The following SAMD12 variants were observed in gnomAD, a reference collection of about 807,000 sequenced individuals.
SAMD12 encodes sterile alpha motif domain containing 12, also known as sterile alpha motif domain-containing protein 12.
SAMD12 carries 9 observed loss-of-function variants against 15.0 expected under a neutral mutation model. The observed-to-expected ratio is 0.60, with a 90% CI of 0.36 to 1.05. The LOEUF (loss-of-function observed/expected upper bound fraction) is 1.05. Ranked by LOEUF, SAMD12 falls within the 50% of genes least tolerant of loss-of-function variation. The pLI is 0.01. For missense variants in SAMD12, 230 were observed against 234.2 expected (o/e 0.98, Z 0.12); for synonymous variants, 86 against 90.1 (o/e 0.96, Z 0.25).
At chr8:118,262,383 CA>C (rs1199953779) in intron 4 of SAMD12, among the ~76,000 whole-genome samples, 2 of 152,104 alleles carry the variant, frequency 1.3e-5, no homozygotes, top group Non-Finnish European at 2.9e-5. Context: ...ACACCATTTA[CA>C]TTTCTGTTAA....
chr8:118,356,654 G>A (rs911396041), intron 4 of SAMD12, among the ~76,000 whole-genome samples: 1 of 152,094 alleles, frequency 6.6e-6, no homozygotes, highest in Non-Finnish European at 1.5e-5. Context: ...ATGATTGCTC[G>A]GTTTCTATTT....
chr8:118,498,437 G>T (rs907929248), intron 2 of SAMD12, among the ~76,000 whole-genome samples: 1 of 152,248 alleles, frequency 6.6e-6, no homozygotes, highest in African/African-American at 2.4e-5. Context: ...TTACTACCTC[G>T]CAACACTGCT....
the SAMD12 span, among the ~76,000 whole-genome samples, chr8:118,155,951 A>C: frequency 6.6e-6 from 1 of 152,232 alleles, no homozygotes; most frequent in Non-Finnish European, 1.5e-5. Flanking sequence ...AAATCCAAGC[A>C]TTTCTATCCA....
intron 4 of SAMD12, among the ~76,000 whole-genome samples, chr8:118,286,574 T>G (rs1814033489): frequency 6.6e-6 from 1 of 152,194 alleles, no homozygotes; most frequent in South Asian, 2.1e-4. Flanking sequence ...GTTACCCCTG[T>G]GGCGATGTGT....
intron 3 of SAMD12, among the ~76,000 whole-genome samples, chr8:118,393,069 C>A (rs1199555572): frequency 6.6e-6 from 1 of 152,182 alleles, no homozygotes; most frequent in Non-Finnish European, 1.5e-5. Context: ...AAAAATCACC[C>A]ACTATATGTC....
the SAMD12 span, among the ~76,000 whole-genome samples, chr8:118,152,362 A>C: frequency 6.6e-6 from 1 of 152,104 alleles, no homozygotes; most frequent in Admixed American, 6.5e-5. Context: ...AATAGCCAGA[A>C]TTTTGTTTGG....
chr8:118,199,248 T>C (rs963140961), intron 4 of SAMD12, among the ~76,000 whole-genome samples: 5 of 152,200 alleles, frequency 3.3e-5, no homozygotes, highest in South Asian at 2.1e-4. Context: ...GCCCCATGAC[T>C]AACTAAAGCA....
chr8:118,563,025 CT>C (rs1441339447), intron 2 of SAMD12, among the ~76,000 whole-genome samples: 1 of 152,114 alleles, frequency 6.6e-6, no homozygotes. Flanking sequence ...CAAAAGGTTG[CT>C]TTTAACTGTG....
intron 2 of SAMD12, among the ~76,000 whole-genome samples, chr8:118,566,258 C>G (rs768947848): frequency 6.6e-6 from 1 of 152,212 alleles, no homozygotes; most frequent in Non-Finnish European, 1.5e-5. Context: ...CTGCGCCCAT[C>G]TTCCCGCACA....
intron 4 of SAMD12, among the ~76,000 whole-genome samples, chr8:118,236,245 C>A (rs539661950): frequency 2.6e-5 from 4 of 152,108 alleles, no homozygotes; most frequent in Non-Finnish European, 5.9e-5. Flanking sequence ...CATTTGCCAG[C>A]GAGACCTAGT....
intron 3 of SAMD12, among the ~76,000 whole-genome samples, chr8:118,416,445 A>G (rs1821694540): frequency 6.6e-6 from 1 of 152,054 alleles, no homozygotes; most frequent in African/African-American, 2.4e-5. Flanking sequence ...AACATGCCCT[A>G]GAGAGTCAGG....
chr8:118,265,085 A>T (rs1813167948), intron 4 of SAMD12, among the ~76,000 whole-genome samples: 1 of 152,188 alleles, frequency 6.6e-6, no homozygotes, highest in Admixed American at 6.6e-5. Context: ...AAGCTTGCTA[A>T]GTATTCCCAA....
At chr8:118,172,969 G>A in the SAMD12 span, among the ~76,000 whole-genome samples, 1 of 152,124 alleles carries the variant, frequency 6.6e-6, no homozygotes, top group Admixed American at 6.5e-5. Flanking sequence ...GATGGTATTT[G>A]TCCTCGTGCT....
Position 118,205,982 on chromosome 8 carries a change from A to G in SAMD12, c.434-8250T>C, listed in dbSNP as rs372619355. On this transcript the variant is annotated intron_variant, in intron 4 of 4. Coordinates refer to the SAMD12 transcript ENST00000409003. The stretch of plus-strand genomic sequence containing the variant: ...CTAAAAGTAAGGCCACTAGTCTACT[A>G]CACTGTGAGCCTGAAAAACCTCTCA... Among the ~76,000 whole-genome samples the G allele has an allele frequency of 6.8e-4, 103 of 152,348 alleles. 3 individuals are homozygous for G. The South Asian group carries it at 0.02, about 30-fold the overall frequency.
the SAMD12 span, among the ~76,000 whole-genome samples, chr8:118,183,276 T>C: frequency 6.6e-6 from 1 of 152,246 alleles, no homozygotes; most frequent in African/African-American, 2.4e-5. Flanking sequence ...TCTTCTATCA[T>C]ATCTTCTTCA....
chr8:118,608,175 A>G (rs781073348), intron 1 of SAMD12, among the ~76,000 whole-genome samples: 5 of 151,864 alleles, frequency 3.3e-5, no homozygotes, highest in Admixed American at 6.6e-5. Context: ...TTTAAGCCTT[A>G]TAACATTATT....
intron 4 of SAMD12, among the ~76,000 whole-genome samples, chr8:118,322,683 G>T (rs1181480936): frequency 6.6e-6 from 1 of 152,134 alleles, no homozygotes; most frequent in African/African-American, 2.4e-5. Context: ...CAGTACACAT[G>T]GTATCCATGG....
chr8:118,535,652 C>A (rs909603730), intron 2 of SAMD12, among the ~76,000 whole-genome samples: 18 of 152,172 alleles, frequency 1.2e-4, no homozygotes, highest in African/African-American at 4.3e-4. Context: ...CAATGGCGGG[C>A]GCCCCTCCCC....
chr8:118,219,105 G>C (rs987495068), intron 4 of SAMD12, among the ~76,000 whole-genome samples: 3 of 152,110 alleles, frequency 2.0e-5, no homozygotes, highest in African/African-American at 7.2e-5. Flanking sequence ...CTGTTCACAG[G>C]CCAGCTCACC....
Sources: gnomAD v4.1 joint callset for allele counts (sites outside exome capture counted in the v4.1 genomes callset) on GRCh38, gnomAD v4.1.1 for gene constraint, MANE v1.5 for transcripts, NCBI Gene and HGNC (gene_info 2026-07-23, HGNC 2026-07-21) for gene names.